The following CSMD3 variants were observed in gnomAD, a reference collection of about 807,000 sequenced individuals.
The protein encoded by CSMD3 is CUB and Sushi multiple domains 3.
In CSMD3, 177 loss-of-function variants were observed where a neutral mutation model predicts 435.2. The ratio of observed to expected loss-of-function variants is 0.41; its 90% CI spans 0.36 to 0.46. CSMD3 has a LOEUF of 0.46. Among genes scored for constraint, CSMD3 ranks in the 20% least tolerant of loss-of-function variants. CSMD3 has a pLI of 0.34. For synonymous variants in CSMD3, 1,656 were observed against 1,520.5 expected, an observed-to-expected ratio of 1.09 and a Z score of -2.07; for missense variants, 4,265 against 4,504.6, an observed-to-expected ratio of 0.95 and a Z score of 1.52.
At chr8:112,631,361 T>C (rs2074509562) in intron 22 of CSMD3, among the ~76,000 whole-genome samples, 1 of 152,106 alleles carries the variant, frequency 6.6e-6, no homozygotes, top group Admixed American at 6.6e-5. Context: ...AAGCCCTAAA[T>C]ATTTACTGTG....
At chr8:113,193,275 C>T (rs1340660980) in intron 3 of CSMD3, among the ~76,000 whole-genome samples, 1 of 151,256 alleles carries the variant, frequency 6.6e-6, no homozygotes, top group Non-Finnish European at 1.5e-5. Context: ...CAATATTTAG[C>T]TGAGGTAGAA....
chr8:112,326,334 T>C (rs1823511480), intron 45 of CSMD3, among the ~76,000 whole-genome samples: 1 of 152,136 alleles, frequency 6.6e-6, no homozygotes, highest in African/African-American at 2.4e-5. Context: ...ATAACTACAT[T>C]TGTGCACAAA....
intron 20 of CSMD3, among the ~76,000 whole-genome samples, chr8:112,639,396 T>A (rs2074754826): frequency 6.6e-6 from 1 of 152,164 alleles, no homozygotes; most frequent in South Asian, 2.1e-4. Flanking sequence ...GTTAGATGAA[T>A]GTAATTATTC....
chr8:112,326,685 G>A (rs192369729), intron 45 of CSMD3, among the ~76,000 whole-genome samples: 39 of 152,196 alleles, frequency 2.6e-4, no homozygotes, highest in African/African-American at 8.4e-4. Flanking sequence ...TTCCCAGAAC[G>A]TATCTAACCA....
At chr8:113,177,558 G>A (rs1430397718) in intron 3 of CSMD3, among the ~76,000 whole-genome samples, 1 of 151,904 alleles carries the variant, frequency 6.6e-6, no homozygotes, top group African/African-American at 2.4e-5. Flanking sequence ...TGATTAAAAT[G>A]GGATTGCAGT....
At chr8:112,921,580 G>A (rs762636825) in intron 10 of CSMD3, 47 bp downstream of exon 10, 1 of 1,484,318 alleles carries the variant, frequency 6.7e-7, no homozygotes, top group Non-Finnish European at 9.4e-7. Context: ...TGAAATAAAG[G>A]TTAAACTATT....
intron 7 of CSMD3, among the ~76,000 whole-genome samples, chr8:112,956,903 A>C (rs2084038311): frequency 6.6e-6 from 1 of 152,144 alleles, no homozygotes; most frequent in South Asian, 2.1e-4. Flanking sequence ...ATTGTAATAC[A>C]GATGCAGAAG....
At chr8:113,276,634 G>T (rs183721241) in intron 3 of CSMD3, among the ~76,000 whole-genome samples, 1 of 151,984 alleles carries the variant, frequency 6.6e-6, no homozygotes, top group South Asian at 2.1e-4. Context: ...TTTTATTTTA[G>T]CCTTGTGGGA....
intron 16 of CSMD3, among the ~76,000 whole-genome samples, chr8:112,678,068 G>T (rs1472048016): frequency 6.6e-6 from 1 of 152,096 alleles, no homozygotes. Flanking sequence ...TATAAAAAGT[G>T]GGAAAATACA....
rs1242175147 is a variant in CSMD3, at chr8:112,309,457, CTTATT to C, written c.7885+1516_7885+1520del. On this transcript the variant is annotated intron_variant, in intron 50 of 70. Coordinates refer to ENST00000297405, the MANE Select transcript of CSMD3 (RefSeq NM_198123.2). ...TTATTTAAAATATATATATTATAAGCTTATTTTATATCTTTTAATTCTATTATGAA... is the reference window on the plus strand; with the variant it reads ...TTATTTAAAATATATATATTATAAGCTTATATCTTTTAATTCTATTATGAA... Among the ~76,000 whole-genome samples the C allele has an allele frequency of 5.3e-5, 8 of 151,618 alleles. No homozygotes were observed. The East Asian group carries it at 1.5e-3, about 29-fold the overall frequency.
intron 3 of CSMD3, among the ~76,000 whole-genome samples, chr8:113,241,226 C>G (rs2093212126): frequency 6.6e-6 from 1 of 152,064 alleles, no homozygotes; most frequent in Non-Finnish European, 1.5e-5. Context: ...GGACTATGTT[C>G]ATCCTCTGCA....
chr8:113,078,404 T>C (rs891737461), intron 5 of CSMD3, among the ~76,000 whole-genome samples: 1 of 152,196 alleles, frequency 6.6e-6, no homozygotes, highest in African/African-American at 2.4e-5. Flanking sequence ...GCCACTTCCA[T>C]TGGGAAAATA....
At chr8:113,199,064 A>G (rs969340196) in intron 3 of CSMD3, among the ~76,000 whole-genome samples, 12 of 149,508 alleles carry the variant, frequency 8.0e-5, no homozygotes, top group African/African-American at 2.7e-4. Context: ...TAAATTATAT[A>G]TATTTAAAAT....
intron 13 of CSMD3, among the ~76,000 whole-genome samples, chr8:112,774,774 C>T (rs1253965393): frequency 6.6e-6 from 1 of 151,976 alleles, no homozygotes; most frequent in Non-Finnish European, 1.5e-5. Flanking sequence ...TCTATCTTTT[C>T]TGTATAATTG....
chr8:112,410,060 A>G (rs1334059408), intron 32 of CSMD3, among the ~76,000 whole-genome samples: 2 of 151,876 alleles, frequency 1.3e-5, no homozygotes, highest in Admixed American at 1.3e-4. Context: ...GTATACCTCA[A>G]ATGAAGGCTA....
intron 24 of CSMD3, among the ~76,000 whole-genome samples, chr8:112,568,018 T>C (rs1329860120): frequency 6.6e-6 from 1 of 152,158 alleles, no homozygotes; most frequent in Non-Finnish European, 1.5e-5. Context: ...GTAATTGTTT[T>C]GAGAATAATG....
intron 11 of CSMD3, among the ~76,000 whole-genome samples, chr8:112,834,625 T>C (rs1274410294): frequency 6.6e-6 from 1 of 151,742 alleles, no homozygotes; most frequent in African/African-American, 2.4e-5. Context: ...TCCTTCTTTA[T>C]TGATACTTTA....
chr8:112,331,334 AAG>A (rs1824033534), intron 45 of CSMD3, among the ~76,000 whole-genome samples: 1 of 152,074 alleles, frequency 6.6e-6, no homozygotes, highest in African/African-American at 2.4e-5. Flanking sequence ...TAGCAACACA[AAG>A]AGATACAAAA....
intron 5 of CSMD3, among the ~76,000 whole-genome samples, chr8:113,067,870 C>A (rs566476056): frequency 1.2e-4 from 18 of 152,174 alleles, no homozygotes; most frequent in African/African-American, 4.3e-4. Context: ...GTCTGAGCAA[C>A]TCTCCCATAG....
Sources: allele counts gnomAD v4.1 joint callset (sites outside exome capture counted in the v4.1 genomes callset), GRCh38; gene constraint gnomAD v4.1.1; transcripts MANE v1.5; gene names NCBI Gene and HGNC (gene_info 2026-07-23, HGNC 2026-07-21).